GABBR2: variants seen among roughly 807,000 people sequenced by gnomAD.
The protein encoded by GABBR2 is G-protein coupled receptor 51.
A neutral mutation model predicts 105.6 loss-of-function variants in GABBR2; 23 were observed. That is an observed-to-expected ratio of 0.22 (90% CI 0.16 to 0.31). The LOEUF is 0.31. GABBR2 is among the 10% of genes least tolerant of loss of function. GABBR2 has a pLI of 1.00. For synonymous variants in GABBR2, 478 were observed against 499.7 expected, an observed-to-expected ratio of 0.96 and a Z score of 0.58; for missense variants, 734 against 1,245.5, an observed-to-expected ratio of 0.59 and a Z score of 6.18.
intron 1 of GABBR2, among the ~76,000 whole-genome samples, chr9:98,690,523 C>T (rs887042868): frequency 2.0e-5 from 3 of 152,110 alleles, no homozygotes; most frequent in Non-Finnish European, 2.9e-5. Flanking sequence ...AGGAATAGCC[C>T]GCCCTTCTCT....
intron 7 of GABBR2, among the ~76,000 whole-genome samples, chr9:98,437,160 G>T (rs1329497042): frequency 6.6e-6 from 1 of 152,200 alleles, no homozygotes; most frequent in Non-Finnish European, 1.5e-5. Flanking sequence ...GACCTGTACA[G>T]AAAAGGAGTC....
At chr9:98,708,264 CGGG>C (rs1445911240) in intron 1 of GABBR2, among the ~76,000 whole-genome samples, 150 bp downstream of exon 1, 9 of 152,268 alleles carry the variant, frequency 5.9e-5, no homozygotes, top group African/African-American at 1.4e-4. Context: ...AGCAGGACCG[CGGG>C]GGTGAACACT....
intron 1 of GABBR2, among the ~76,000 whole-genome samples, chr9:98,636,485 CTTTTTTTTTTTTTTTT>C (rs10559312): frequency 1.5e-5 from 1 of 66,174 alleles, no homozygotes; most frequent in African/African-American, 6.0e-5. Context: ...TCTTTCCTTT[CTTTTTTTTTTTTTTTT>C]TTTTTTTTTT....
intron 1 of GABBR2, among the ~76,000 whole-genome samples, chr9:98,600,985 T>A (rs979901201): frequency 7.9e-5 from 12 of 152,178 alleles, no homozygotes; most frequent in African/African-American, 2.9e-4. Flanking sequence ...GTGAGCACCC[T>A]ATTACTGTGC....
intron 1 of GABBR2, among the ~76,000 whole-genome samples, chr9:98,683,866 G>C (rs1830582580): frequency 6.6e-6 from 1 of 151,674 alleles, no homozygotes; most frequent in Non-Finnish European, 1.5e-5. Flanking sequence ...AAATTAGCCG[G>C]GCGTGGTGGC....
At chr9:98,443,407 T>C (rs1365377344) in intron 7 of GABBR2, among the ~76,000 whole-genome samples, 1 of 152,234 alleles carries the variant, frequency 6.6e-6, no homozygotes, top group Non-Finnish European at 1.5e-5. Context: ...CCACATTATT[T>C]TGATCTTTCA....
intron 5 of GABBR2, among the ~76,000 whole-genome samples, chr9:98,478,305 C>A (rs1826836304): frequency 1.3e-5 from 2 of 152,070 alleles, no homozygotes; most frequent in Non-Finnish European, 2.9e-5. Flanking sequence ...CTCTGAGCGT[C>A]CCCTCCCTCT....
intron 13 of GABBR2, among the ~76,000 whole-genome samples, chr9:98,338,152 C>T (rs973140360): frequency 3.3e-5 from 5 of 152,162 alleles, no homozygotes; most frequent in African/African-American, 1.2e-4. Context: ...AATGTAAGAA[C>T]AAATAGTATA....
chr9:98,431,500 AC>A (rs1285299361), intron 7 of GABBR2, among the ~76,000 whole-genome samples: 1 of 152,106 alleles, frequency 6.6e-6, no homozygotes, highest in Non-Finnish European at 1.5e-5. Context: ...AAAAAAACCC[AC>A]ATAAGCACAG....
intron 1 of GABBR2, among the ~76,000 whole-genome samples, chr9:98,670,586 C>T (rs987410637): frequency 4.6e-5 from 7 of 152,176 alleles, no homozygotes; most frequent in Non-Finnish European, 8.8e-5. Context: ...AGCTCACATG[C>T]CTGTCAACAG....
Position 98,368,301 on chromosome 9 carries a change from T to TAA in GABBR2, c.1770+3161_1770+3162dup, listed in dbSNP as rs138373969. Among the ~76,000 whole-genome samples, 816 of 99,864 alleles carry TAA rather than the reference T, an allele frequency of 8.2e-3. 7 individuals are homozygous for TAA. The highest frequency in any genetic ancestry group is 0.029 in the African/African-American group (757 of 26,548). The allele number at this position is 99,864 out of a possible 152,430, so 65.5% of individuals were successfully genotyped here. ...AAAGTAGAAAAAAAGTTTTAAAAAG[T>TAA]AAAAAAAAAAAAAAAAAGTAAAGAA... On this transcript the variant is annotated intron_variant, in intron 12 of 18. Coordinates refer to ENST00000259455, the MANE Select transcript of GABBR2 (RefSeq NM_005458.8).
At chr9:98,478,978 C>T (rs1001722683) in intron 5 of GABBR2, among the ~76,000 whole-genome samples, 5 of 152,148 alleles carry the variant, frequency 3.3e-5, no homozygotes, top group Non-Finnish European at 5.9e-5. Context: ...AAAGAAAGCA[C>T]GCTCTCAAAT....
At chr9:98,356,392 G>A (rs1831483967) in intron 13 of GABBR2, among the ~76,000 whole-genome samples, 1 of 152,114 alleles carries the variant, frequency 6.6e-6, no homozygotes, top group Non-Finnish European at 1.5e-5. Flanking sequence ...TCACTAGATG[G>A]CAAATAAGCA....
chr9:98,556,621 C>G (rs1315984187), intron 2 of GABBR2, among the ~76,000 whole-genome samples: 1 of 152,142 alleles, frequency 6.6e-6, no homozygotes, highest in Non-Finnish European at 1.5e-5. Context: ...CCGCTGTGTG[C>G]CTGTAGAACA....
At chr9:98,303,024 A>G (rs1830493619) in intron 16 of GABBR2, 2 of 483,074 alleles carry the variant, frequency 4.1e-6, no homozygotes, top group Admixed American at 7.5e-5. Context: ...CTGGCCTCCA[A>G]GAGCCTGGGT....
chr9:98,489,983 C>T (rs1177593154), intron 4 of GABBR2, among the ~76,000 whole-genome samples: 3 of 152,204 alleles, frequency 2.0e-5, no homozygotes, highest in Non-Finnish European at 4.4e-5. Flanking sequence ...ATCCCAGCTA[C>T]TCAGGAGGCT....
At chr9:98,350,927 G>A (rs926920827) in intron 13 of GABBR2, among the ~76,000 whole-genome samples, 1 of 151,960 alleles carries the variant, frequency 6.6e-6, no homozygotes, top group Admixed American at 6.6e-5. Context: ...TCTGGCATTG[G>A]GTGCATATTC....
chr9:98,601,602 G>T (rs1829337496), intron 1 of GABBR2, among the ~76,000 whole-genome samples: 1 of 152,152 alleles, frequency 6.6e-6, no homozygotes, highest in African/African-American at 2.4e-5. Flanking sequence ...TTTTTTAAAG[G>T]ACATAAGAAG....
Position 98,475,144 on chromosome 9 carries a change from T to C in GABBR2, c.799-1798A>G, listed in dbSNP as rs16916342. On this transcript the variant is annotated intron_variant, in intron 5 of 18. Coordinates refer to ENST00000259455, the MANE Select transcript of GABBR2 (RefSeq NM_005458.8). ...TACAGGACCTTCGCTTCCCTCATTT[T>C]AGACACTGTACTTCTCATAATGCAA... is the stretch of plus-strand genomic sequence containing the variant. Among the ~76,000 whole-genome samples, 120 of 152,320 alleles carry C rather than the reference T, an allele frequency of 7.9e-4. No homozygotes were observed. In the East Asian group the frequency reaches 0.018, roughly 23 times the overall value.
Sources: gnomAD v4.1 joint callset for allele counts (sites outside exome capture counted in the v4.1 genomes callset) on GRCh38, gnomAD v4.1.1 for gene constraint, MANE v1.5 for transcripts, NCBI Gene and HGNC (gene_info 2026-07-23, HGNC 2026-07-21) for gene names.